Variants in SERPINB3 observed in about 807,000 individuals in gnomAD.
SERPINB3 encodes the protein serpin B3.
SERPINB3 carries 33 observed loss-of-function variants against 33.0 expected under a neutral mutation model. The ratio of observed to expected loss-of-function variants is 1.00; its 90% CI spans 0.76 to 1.34. SERPINB3 has a LOEUF of 1.34. Among genes scored for constraint, SERPINB3 ranks in the 40% most tolerant of loss-of-function variants. The pLI is 0.00. For missense variants in SERPINB3, 518 were observed against 461.5 expected, an observed-to-expected ratio of 1.12 and a Z score of -1.12; for synonymous variants, 200 against 170.9, an observed-to-expected ratio of 1.17 and a Z score of -1.33.
At chr18:63,660,343 A>G (rs940451595) in intron 3 of SERPINB3, among the ~76,000 whole-genome samples, 3 of 152,148 alleles carry the variant, frequency 2.0e-5, no homozygotes, top group Non-Finnish European at 2.9e-5. Flanking sequence ...ATTTTGCAAC[A>G]TTATTGTGAT....
chr18:63,659,349 A>G (rs777829835), intron 4 of SERPINB3, 50 bp downstream of exon 4: 1 of 1,592,036 alleles, frequency 6.3e-7, no homozygotes, highest in South Asian at 1.1e-5. Flanking sequence ...CCACTCAGAG[A>G]CACAGACATC....
chr18:63,655,705 T>C lies in SERPINB3; in HGVS notation c.1125A>G (p.Gln375=). The change falls in exon 8 of 8, where the codon CAA becomes CAG. Residue 375 remains glutamine, a synonymous_variant. Transcript: ENST00000283752. ...AGAAGAGGATGCTGTTGGTCTTATT[T>C]TGCCTTATGAAGAATAGGAAAGGGT... ...CNHPFLFFIR[Q]NKTNSILFYG... 6.2e-7 allele frequency: 1 copy of C among 1,613,832 alleles called. No homozygotes were observed. The highest frequency in any genetic ancestry group is 8.5e-7 in the Non-Finnish European group (1 of 1,179,846).
intron 1 of SERPINB3, among the ~76,000 whole-genome samples, chr18:63,661,601 C>T (rs1398000122): frequency 6.6e-6 from 1 of 151,824 alleles, no homozygotes; most frequent in Admixed American, 6.6e-5. Context: ...CCTGACATCT[C>T]CTTCAAGACT....
At chr18:63,660,619 T>C in intron 3 of SERPINB3, 181 bp downstream of exon 3, 1 of 725,494 alleles carries the variant, frequency 1.4e-6, no homozygotes, top group Non-Finnish European at 2.3e-6. Context: ...TGTCTTTCAG[T>C]AACGAAGAAA....
Position 63,657,348 on chromosome 18 carries a change from G to A in SERPINB3, c.534C>T (p.Asn178=), listed in dbSNP as rs146998100. The A allele has an allele frequency of 1.1e-4, 179 of 1,609,086 alleles. No homozygotes were observed. Among genetic ancestry groups the A allele is most frequent in the Middle Eastern group, 1.7e-4 (1 of 6,044 alleles). Reference sequence around the variant, plus strand: ...CCCACTGCCCTTTGAAATAGATTGCGTTCACAAGAACCAATGTGGTATTGC... The same window carrying A: ...CCCACTGCCCTTTGAAATAGATTGCATTCACAAGAACCAATGTGGTATTGC... ...IGSNTTLVLV[N]AIYFKGQWEK... is the part of the protein sequence containing the mutation. Residue 178 remains asparagine (N), a synonymous_variant, in exon 6 of 8, where the codon AAC becomes AAT. Coordinates refer to ENST00000283752, the MANE Select transcript of SERPINB3 (RefSeq NM_006919.3).
Position 63,661,387 on chromosome 18 carries a change from C to A in SERPINB3, c.-26-145G>T. The stretch of plus-strand genomic sequence containing the variant: ...CTCATCTTATTTTTAACGTTTCAAT[C>A]TTTCTACAATGTGCATATATTAAAT... On this transcript the variant is annotated intron_variant, in intron 1 of 7. Coordinates refer to ENST00000283752, the MANE Select transcript of SERPINB3 (RefSeq NM_006919.3). 5.6e-6 allele frequency: 5 copies of A among 898,894 alleles called. No individual in the cohort carries two copies. The South Asian group carries it at 9.1e-5, about 16-fold the overall frequency. The allele number at this position is 898,894 out of a possible 1,614,324, so 55.7% of individuals were successfully genotyped here.
At position 63,659,387 on chromosome 18, in the gene SERPINB3, A is replaced by G; in HGVS notation, c.351+12T>C. ...GATGCAAATGAAATGTGGGTAGGCC[A>G]GGTGAAATTACCTGTAAAAATAGAT... On this transcript the variant is annotated intron_variant, in intron 4 of 7. Coordinates refer to ENST00000283752, the MANE Select transcript of SERPINB3 (RefSeq NM_006919.3). The G allele has an allele frequency of 6.8e-7, 1 of 1,462,636 alleles. No individual in the cohort carries two copies. The highest frequency in any genetic ancestry group is 1.2e-5 in the South Asian group (1 of 86,248). 90.6% of individuals were successfully genotyped at this position (1,462,636 alleles called of 1,614,324 possible).
Position 63,660,937 on chromosome 18 carries a change from C to T in SERPINB3, c.166-81G>A, listed in dbSNP as rs1913626694. ...CAGTGGTCTCACAGTTACGGGAATT[C>T]CTGCTCAGCCCCCTGTGCTACCCAT... is the stretch of plus-strand genomic sequence containing the variant. On this transcript the variant is annotated intron_variant, in intron 2 of 7. Transcript: ENST00000283752. The T allele has an allele frequency of 9.3e-6, 15 of 1,611,346 alleles. No individual in the cohort carries two copies. In the South Asian group the frequency reaches 1.7e-4, roughly 18 times the overall value.
At chr18:63,656,192 A>C in intron 7 of SERPINB3, 131 bp from the exon 8 acceptor site, 1 of 1,128,038 alleles carries the variant, frequency 8.9e-7, no homozygotes, top group East Asian at 2.6e-5. Flanking sequence ...ACTTTATTAG[A>C]TATTATTATT....
At chr18:63,656,113 C>T in intron 7 of SERPINB3, 52 bp from the exon 8 acceptor site, 1 of 1,571,958 alleles carries the variant, frequency 6.4e-7, no homozygotes, top group Non-Finnish European at 8.6e-7. Flanking sequence ...ATTTCTAATA[C>T]ACCTTAACAA....
chr18:63,657,835 T>C (rs1381401961), intron 5 of SERPINB3, among the ~76,000 whole-genome samples: 1 of 151,712 alleles, frequency 6.6e-6, no homozygotes, highest in African/African-American at 2.4e-5. Flanking sequence ...GACTGCTTTT[T>C]AGGACAAGTG....
At chr18:63,656,506 A>G (rs560115614) in intron 7 of SERPINB3, among the ~76,000 whole-genome samples, 1 of 152,292 alleles carries the variant, frequency 6.6e-6, no homozygotes, top group East Asian at 1.9e-4. Context: ...CTAAATTTCT[A>G]TTCCCTTTTT....
Position 63,658,494 on chromosome 18 carries a change from T to C in SERPINB3, c.469+19A>G. The C allele has an allele frequency of 1.3e-6, 2 of 1,594,952 alleles. No individual in the cohort carries two copies. Among genetic ancestry groups the C allele is most frequent in the Non-Finnish European group, 1.7e-6 (2 of 1,163,992 alleles). ...CATAGATTTCTCAAAGGTGTTTCTA[T>C]AATGGGTGGCTCTCCTACCATTCGT... On this transcript the variant is annotated intron_variant, in intron 5 of 7. Transcript: ENST00000283752.
chr18:63,658,294 G>A lies in SERPINB3; in HGVS notation c.469+219C>T, dbSNP rs139725206. On this transcript the variant is annotated intron_variant, in intron 5 of 7. Transcript: ENST00000283752. ...CAGGAACATGAGCAAAGAATCCTCC[G>A]GCTATGTTTTCTTCTAATTGGCTTC... 6.8e-4 allele frequency among the ~76,000 whole-genome samples: 103 copies of A among 152,150 alleles called. 1 individual carries two copies. In the East Asian group the frequency reaches 0.017, roughly 25 times the overall value.
At chr18:63,659,220 T>G (rs141516244) in intron 4 of SERPINB3, 179 bp downstream of exon 4, 244 of 664,552 alleles carry the variant, frequency 3.7e-4, no homozygotes, top group Non-Finnish European at 5.3e-5. Context: ...CAGTGATGTA[T>G]TGTTAGGGTC....
In SERPINB3 at chr18:63,655,990, G is replaced by A. The variant is rs150575224; in HGVS notation, c.840C>T (p.Val280=). Residue 280 remains valine, a synonymous_variant, in exon 8 of 8, where the codon GTC becomes GTT. Transcript: ENST00000283752. ...TSLQNMRETR[V]DLHLPRFKVE... is the part of the protein sequence containing the mutation. ...CTTTGAACCGAGGTAAGTGTAAATC[G>A]ACACGTGTCTCTCTCATATTCTGCA... The A allele has an allele frequency of 2.5e-6, 4 of 1,613,864 alleles. No homozygotes were observed. Among genetic ancestry groups the A allele is most frequent in the Non-Finnish European group, 3.4e-6 (4 of 1,179,912 alleles).
At chr18:63,657,205 C>T in intron 6 of SERPINB3, 65 bp downstream of exon 6, 3 of 970,406 alleles carry the variant, frequency 3.1e-6, no homozygotes, top group Non-Finnish European at 3.0e-6. Flanking sequence ...TGTCATGGTA[C>T]ATTCCATCAG....
intron 3 of SERPINB3, 113 bp from the exon 4 acceptor site, chr18:63,659,640 T>G (rs1913590591): frequency 2.1e-6 from 3 of 1,413,270 alleles, no homozygotes; most frequent in Admixed American, 1.8e-5. Flanking sequence ...TGAGGACCTT[T>G]GAGCTTATTC....
chr18:63,660,850 G>T lies in SERPINB3; in HGVS notation c.172C>A (p.His58Asn). Residue 58 changes from histidine (H) to asparagine (N), a missense_variant, in exon 3 of 8, where the codon CAC becomes AAC. Transcript: ENST00000283752. ...GTGTTCTCTGTGACTTGATCAAAGT[G>T]AAGAACCTGGAAGAGACATGAAGCG... ...NTAQQIKKVLHFDQVTENTTG... is the reference protein window; with the variant it reads ...NTAQQIKKVLNFDQVTENTTG... 1 of 1,613,318 alleles carries T rather than the reference G, an allele frequency of 6.2e-7. No individual in the cohort carries two copies. The highest frequency in any genetic ancestry group is 8.5e-7 in the Non-Finnish European group (1 of 1,179,586).
Sources: allele counts gnomAD v4.1 joint callset (sites outside exome capture counted in the v4.1 genomes callset), GRCh38; gene constraint gnomAD v4.1.1; transcripts MANE v1.5; gene names NCBI Gene and HGNC (gene_info 2026-07-23, HGNC 2026-07-21).